Variants in CCNT1 observed in about 807,000 individuals in gnomAD.
The protein encoded by CCNT1 is cyclin-T1.
Under a neutral mutation model 67.3 loss-of-function variants are expected in CCNT1, and 18 were observed. The ratio of observed to expected loss-of-function variants is 0.27; its 90% CI spans 0.18 to 0.40. The LOEUF is 0.40. Among genes scored for constraint, CCNT1 ranks in the 10% least tolerant of loss-of-function variants. The pLI is 1.00. For missense variants in CCNT1, 744 were observed against 884.9 expected, an observed-to-expected ratio of 0.84 and a Z score of 2.02; for synonymous variants, 333 against 310.3, an observed-to-expected ratio of 1.07 and a Z score of -0.77.
At position 48,691,596 on chromosome 12, in the gene CCNT1, A is replaced by G. The variant is rs1222714374; in HGVS notation, c.*1437T>C. On this transcript the variant is annotated 3_prime_UTR_variant, in exon 9 of 9. Coordinates refer to ENST00000261900, the MANE Select transcript of CCNT1 (RefSeq NM_001240.4). Reference sequence around the variant, plus strand: ...TAATATCTGGGATAATCAAGCCTCCATAACAACAGGACTCTTGACCTATTT... The same window carrying G: ...TAATATCTGGGATAATCAAGCCTCCGTAACAACAGGACTCTTGACCTATTT... 6.6e-6 allele frequency: 1 copy of G among 152,242 alleles called. No individual in the cohort carries two copies. Among genetic ancestry groups the G allele is most frequent in the South Asian group, 2.1e-4 (1 of 4,836 alleles). 9.4% of individuals were successfully genotyped at this position (152,242 alleles called of 1,614,324 possible).
intron 2 of CCNT1, among the ~76,000 whole-genome samples, chr12:48,708,133 G>T (rs1940392471): frequency 6.6e-6 from 1 of 152,206 alleles, no homozygotes; most frequent in Admixed American, 6.5e-5. Flanking sequence ...AGAGCACTTT[G>T]GGAGGCCAAA....
rs3013 is a variant in CCNT1 at position 48,693,873 on chromosome 12, G to C, written c.1341C>G (p.Pro447=). ...LKMPIEGSEN[P]ERPFLEKADK... ...CAGCCTTTTCCAGAAAAGGCCGCTC[G>C]GGGTTTTCTGAACCCTCTATGGGCA... Residue 447 remains proline (P), a synonymous_variant, in exon 9 of 9, where the codon CCC becomes CCG. Transcript: ENST00000261900. The C allele has an allele frequency of 0.29, 460,255 of 1,613,754 alleles. 71,596 individuals carry two copies. The highest frequency in any genetic ancestry group is 0.33 in the Non-Finnish European group (383,489 of 1,179,858).
intron 2 of CCNT1, among the ~76,000 whole-genome samples, chr12:48,706,156 G>A (rs959561723): frequency 1.3e-5 from 2 of 152,006 alleles, no homozygotes; most frequent in Non-Finnish European, 2.9e-5. Flanking sequence ...TAAGCAGACA[G>A]TTTTCTATTT....
Position 48,693,860 on chromosome 12 carries a change from G to A in CCNT1, c.1354C>T (p.Leu452=), listed in dbSNP as rs772728567. Residue 452 remains leucine, a synonymous_variant, in exon 9 of 9, where the codon CTG becomes TTG. Transcript: ENST00000261900. ...AGAGCTGTTTTGTCAGCCTTTTCCA[G>A]AAAAGGCCGCTCGGGGTTTTCTGAA... ...EGSENPERPF[L]EKADKTALKM... 5 of 1,613,950 alleles carry A rather than the reference G, an allele frequency of 3.1e-6. No homozygotes were observed. The South Asian group carries it at 5.5e-5, about 18-fold the overall frequency.
chr12:48,689,625 A>C lies in CCNT1; in HGVS notation c.*3408T>G, dbSNP rs1386991591. 1 of 152,218 alleles carries C rather than the reference A, an allele frequency of 6.6e-6. No individual in the cohort carries two copies. Among genetic ancestry groups the C allele is most frequent in the African/African-American group, 2.4e-5 (1 of 41,464 alleles). The allele number at this position is 152,218 out of a possible 1,614,324, so 9.4% of individuals were successfully genotyped here. On this transcript the variant is annotated 3_prime_UTR_variant, in exon 9 of 9. Transcript: ENST00000261900. ...GTATTTCAACTGCAAGATGTTCTAG[A>C]TTCTCTCTTTTCTTAGTATCAAAAT...
chr12:48,697,504 C>CA (rs1940188435), intron 6 of CCNT1, among the ~76,000 whole-genome samples: 1 of 134,544 alleles, frequency 7.4e-6, no homozygotes, highest in South Asian at 2.3e-4. Context: ...GCCTGGTAGA[C>CA]AGAGTGAGAC....
In CCNT1 at chr12:48,705,727, G is replaced by GA. The variant is rs753337817; in HGVS notation, c.372+40dup. ...TGGGAGTAGGGAAAAAAAAAGAAAGGAAAAAAATTAAGAAAAACAGATGTG... is the reference window on the plus strand; with the variant it reads ...TGGGAGTAGGGAAAAAAAAAGAAAGGAAAAAAAATTAAGAAAAACAGATGTG... On this transcript the variant is annotated intron_variant, in intron 3 of 8. Transcript: ENST00000261900. The GA allele has an allele frequency of 3.9e-6, 6 of 1,557,538 alleles. No homozygotes were observed. The African/African-American group carries it at 4.2e-5, about 11-fold the overall frequency.
chr12:48,696,840 T>G (rs1038165789), intron 6 of CCNT1, among the ~76,000 whole-genome samples: 1 of 152,194 alleles, frequency 6.6e-6, no homozygotes, highest in African/African-American at 2.4e-5. Flanking sequence ...ACTAATCATT[T>G]ACTTTTTTTA....
At position 48,694,078 on chromosome 12, in the gene CCNT1, C is replaced by T; in HGVS notation, c.1136G>A (p.Ser379Asn). ...SNAFISQKQN[S>N]KSVPSAKVSL... ...CACTTTAGCTGATGGCACACTCTTACTATTCTGCTTCTGGGAAATAAATGC... is the reference window on the plus strand; with the variant it reads ...CACTTTAGCTGATGGCACACTCTTATTATTCTGCTTCTGGGAAATAAATGC... The change falls in exon 9 of 9, where the codon AGT (serine) becomes AAT (asparagine). Residue 379 changes from serine (S) to asparagine (N), a missense_variant. By Grantham distance (46) the Ser-to-Asn change is conservative (BLOSUM62 1). This residue lies in a region of CCNT1 where 564 missense variants were observed against 574.2 expected (regional missense o/e 0.98). Transcript: ENST00000261900. 1 of 1,614,230 alleles carries T rather than the reference C, an allele frequency of 6.2e-7. No individual in the cohort carries two copies.
chr12:48,714,675 G>A (rs138169308), intron 1 of CCNT1, 151 bp from the exon 2 acceptor site: 1 of 582,454 alleles, frequency 1.7e-6, no homozygotes, highest in African/African-American at 1.9e-5. Flanking sequence ...GAATATGTCT[G>A]TTTTCTTTCA....
chr12:48,712,401 G>A (rs1445336734), intron 2 of CCNT1, among the ~76,000 whole-genome samples: 3 of 150,648 alleles, frequency 2.0e-5, no homozygotes, highest in African/African-American at 7.3e-5. Flanking sequence ...TCAGCCTCCT[G>A]AGTAGCTGGG....
intron 6 of CCNT1, among the ~76,000 whole-genome samples, chr12:48,696,455 G>A (rs1565616368): frequency 6.6e-6 from 1 of 151,010 alleles, no homozygotes; most frequent in African/African-American, 2.4e-5. Flanking sequence ...GAAAAAGGCT[G>A]GGAATTCAAG....
rs773063080 is a variant in CCNT1, at chr12:48,693,290, C to T, written c.1924G>A (p.Gly642Arg). Reference sequence around the variant, plus strand: ...TTGTGACCATTGGCCCCAGTGGGCCCTTTATCCAGTTTCGAATGAGGGACA... The same window carrying T: ...TTGTGACCATTGGCCCCAGTGGGCCTTTTATCCAGTTTCGAATGAGGGACA... ...TRVPHSKLDK[G>R]PTGANGHNTT... The change falls in exon 9 of 9, where the codon GGG becomes AGG. Residue 642 changes from glycine (G) to arginine (R), a missense_variant. By Grantham distance (125) the Gly-to-Arg change is moderately radical. This residue lies in a region of CCNT1 where 564 missense variants were observed against 574.2 expected (regional missense o/e 0.98). Coordinates refer to ENST00000261900, the MANE Select transcript of CCNT1 (RefSeq NM_001240.4). 3 of 1,614,174 alleles carry T rather than the reference C, an allele frequency of 1.9e-6. No individual in the cohort carries two copies. The highest frequency in any genetic ancestry group is 2.2e-5 in the South Asian group (2 of 91,082).
chr12:48,697,533 A>AT (rs1277713306), intron 6 of CCNT1, among the ~76,000 whole-genome samples: 217 of 121,832 alleles, frequency 1.8e-3, no homozygotes, highest in African/African-American at 5.8e-3. Context: ...AAAAAAAAAA[A>AT]AATATATATA....
In CCNT1 at chr12:48,713,521, T is replaced by C. The variant is rs377036737; in HGVS notation, c.243+922A>G. Among the ~76,000 whole-genome samples, 16 of 152,330 alleles carry C rather than the reference T, an allele frequency of 1.1e-4. No homozygotes were observed. In the East Asian group the frequency reaches 2.3e-3, roughly 22 times the overall value. On this transcript the variant is annotated intron_variant, in intron 2 of 8. Coordinates refer to ENST00000261900, the MANE Select transcript of CCNT1 (RefSeq NM_001240.4). ...AATTAATGCCAGGAATGGCGGCTCA[T>C]GACTGTAATCCCAACATTTTAGAAG...
intron 2 of CCNT1, among the ~76,000 whole-genome samples, chr12:48,707,618 A>C (rs1940382533): frequency 6.6e-6 from 1 of 152,284 alleles, no homozygotes; most frequent in South Asian, 2.1e-4. Flanking sequence ...ATTTTGAAAA[A>C]TATCGTTTAA....
intron 3 of CCNT1, 59 bp downstream of exon 3, chr12:48,705,709 A>AG (rs1940346254): frequency 2.9e-6 from 4 of 1,391,018 alleles, no homozygotes; most frequent in Middle Eastern, 1.8e-4. Flanking sequence ...GCTTGGGAGT[A>AG]GGGAAAAAAA....
At chr12:48,697,534 A>AAAATATAT (rs1288926072) in intron 6 of CCNT1, among the ~76,000 whole-genome samples, 15 of 130,688 alleles carry the variant, frequency 1.1e-4, no homozygotes, top group African/African-American at 4.2e-4. Flanking sequence ...AAAAAAAAAA[A>AAAATATAT]ATATATATAT....
In CCNT1 at chr12:48,692,690, A is replaced by G; in HGVS notation, c.*343T>C. 1 of 200,314 alleles carries G rather than the reference A, an allele frequency of 5.0e-6. No individual in the cohort carries two copies. The allele number at this position is 200,314 out of a possible 1,614,324, so 12.4% of individuals were successfully genotyped here. On this transcript the variant is annotated 3_prime_UTR_variant, in exon 9 of 9. Transcript: ENST00000261900. ...AAAGGATCCACAATTGTCTGATACAAGAAACCCTCCATTTTTCAGCTCTGG... is the reference window on the plus strand; with the variant it reads ...AAAGGATCCACAATTGTCTGATACAGGAAACCCTCCATTTTTCAGCTCTGG...
Sources: allele counts gnomAD v4.1 joint callset (sites outside exome capture counted in the v4.1 genomes callset), GRCh38; gene constraint gnomAD v4.1.1; regional missense constraint gnomAD v4.1.1; transcripts MANE v1.5; gene names NCBI Gene and HGNC (gene_info 2026-07-23, HGNC 2026-07-21).